PITPNM3: variants seen among roughly 807,000 people sequenced by gnomAD.
The protein encoded by PITPNM3 is PITPNM family member 3.
In PITPNM3, 26 loss-of-function variants were observed where a neutral mutation model predicts 102.0. The ratio of observed to expected loss-of-function variants is 0.25; its 90% confidence interval spans 0.19 to 0.35. The LOEUF is 0.35. Ranked by LOEUF, PITPNM3 falls within the 10% of genes least tolerant of loss-of-function variation. PITPNM3 has a pLI of 1.00. For missense variants in PITPNM3, 1,083 were observed against 1,346.1 expected, an observed-to-expected ratio of 0.80 and a Z score of 3.06; for synonymous variants, 578 against 558.6, an observed-to-expected ratio of 1.03 and a Z score of -0.49.
intron 6 of PITPNM3, chr17:6,479,657 C>T (rs910223503): frequency 6.6e-6 from 1 of 152,324 alleles, no homozygotes; most frequent in African/African-American, 2.4e-5. Flanking sequence ...CCCACTGGGA[C>T]TCGACAGAAT....
chr17:6,454,903 T>A lies in PITPNM3; in HGVS notation c.*435A>T, dbSNP rs924970871. The A allele has an allele frequency of 5.4e-5, 10 of 184,264 alleles. No individual in the cohort carries two copies. The highest frequency in any genetic ancestry group is 7.1e-5 in the African/African-American group (3 of 42,486). 11.4% of individuals were successfully genotyped at this position (184,264 alleles called of 1,614,324 possible). ...GGCGGGCACAAATGCCACTCACACC[T>A]CCACAAGACAGCCCAGAGGCTGTGC... On this transcript the variant is annotated 3_prime_UTR_variant, in exon 20 of 20. Transcript: ENST00000262483.
At chr17:6,467,414 A>T (rs1256725802) in intron 14 of PITPNM3, among the ~76,000 whole-genome samples, 1 of 152,242 alleles carries the variant, frequency 6.6e-6, no homozygotes, top group African/African-American at 2.4e-5. Flanking sequence ...AAAAGCTCTA[A>T]AACTGACCAT....
In PITPNM3 at chr17:6,474,481, T is replaced by A. The variant is rs777390006; in HGVS notation, c.1209A>T (p.Pro403=). 3 of 1,613,274 alleles carry A rather than the reference T, an allele frequency of 1.9e-6. No individual in the cohort carries two copies. In the African/African-American group the frequency reaches 4.0e-5, roughly 22 times the overall value. The change falls in exon 10 of 20, where the codon CCA becomes CCT. Residue 403 remains proline (P), a synonymous_variant. Transcript: ENST00000262483. ...DVSDFFLFGS[P]LGLVLAMRRT... The stretch of plus-strand genomic sequence containing the variant: ...TCCGCATGGCCAGGACCAGGCCCAG[T>A]GGCGAGCCGAAGAGGAAGAAGTCGG...
intron 1 of PITPNM3, among the ~76,000 whole-genome samples, chr17:6,542,020 G>A (rs757343651): frequency 6.6e-6 from 1 of 152,214 alleles, no homozygotes; most frequent in East Asian, 1.9e-4. Flanking sequence ...TCAGGAAGGC[G>A]TTTGCTCTGC....
intron 6 of PITPNM3, chr17:6,480,646 G>A (rs937336761): frequency 6.6e-6 from 1 of 152,332 alleles, no homozygotes; most frequent in African/African-American, 2.4e-5. Flanking sequence ...AGGCAGAACA[G>A]AGGTGCAGAG....
chr17:6,556,436 C>T lies in PITPNM3; in HGVS notation c.-30G>A. 8.0e-7 allele frequency: 1 copy of T among 1,250,920 alleles called. No homozygotes were observed. Among genetic ancestry groups the T allele is most frequent in the Non-Finnish European group, 1.0e-6 (1 of 997,042 alleles). The allele number at this position is 1,250,920 out of a possible 1,614,324, so 77.5% of individuals were successfully genotyped here. A position where few individuals can be genotyped will look rare whatever the true frequency, so the allele number is the denominator to read the frequency against. On this transcript the variant is annotated 5_prime_UTR_variant, in exon 1 of 20. Coordinates refer to ENST00000262483, the MANE Select transcript of PITPNM3 (RefSeq NM_031220.4). The surrounding 1 kb of genome is among the most constrained non-coding windows in gnomAD (Gnocchi z 5.2). ...CGGGCGGCGGGCTCCGGCGGCGCTA[C>T]GCGCGCTCCTCGCGCTTCCCGGGCC...
At chr17:6,484,439 C>T (rs1905947984) in intron 4 of PITPNM3, 147 bp from the exon 5 acceptor site, 1 of 778,602 alleles carries the variant, frequency 1.3e-6, no homozygotes, top group African/African-American at 1.7e-5. Flanking sequence ...GAGAGTCACC[C>T]CATCCAGGCC....
chr17:6,516,883 GA>G lies in PITPNM3; in HGVS notation c.226+8472del, dbSNP rs902343408. Among the ~76,000 whole-genome samples the G allele has an allele frequency of 6.0e-4, 89 of 149,474 alleles. 1 individual carries two copies. The East Asian group carries it at 0.015, about 26-fold the overall frequency. On this transcript the variant is annotated intron_variant, in intron 3 of 19. Transcript: ENST00000262483. ...TGTCTCTATTAAAAAAAGAAAGAAA[GA>G]AAAAAAAATTTAAAAACGTAAATCT...
chr17:6,502,782 A>G (rs1287843098), intron 4 of PITPNM3, among the ~76,000 whole-genome samples: 1 of 152,202 alleles, frequency 6.6e-6, no homozygotes, highest in African/African-American at 2.4e-5. Flanking sequence ...AACAGCAAAG[A>G]CATTTGGCCC....
intron 1 of PITPNM3, among the ~76,000 whole-genome samples, chr17:6,538,453 TCA>T (rs1567694098): frequency 6.6e-6 from 1 of 152,116 alleles, no homozygotes; most frequent in East Asian, 1.9e-4. Context: ...CATTTCTCAC[TCA>T]CATACAGGTT....
chr17:6,481,016 G>A (rs1302311990), intron 6 of PITPNM3: 1 of 152,296 alleles, frequency 6.6e-6, no homozygotes, highest in Non-Finnish European at 1.5e-5. Context: ...CCCTTCTGTG[G>A]ACACATCCTT....
chr17:6,525,931 A>T (rs1908809966), intron 2 of PITPNM3, among the ~76,000 whole-genome samples: 1 of 152,218 alleles, frequency 6.6e-6, no homozygotes, highest in African/African-American at 2.4e-5. Context: ...AGTGCAGAGG[A>T]GGTGCTCATA....
rs766885445 is a variant in PITPNM3 at position 6,477,065 on chromosome 17, C to T, written c.1049G>A (p.Cys350Tyr). The stretch of plus-strand genomic sequence containing the variant: ...GGCATGGTGCTGGGTGATGGCCTCG[C>T]AGTCATAGGTGGAGGAGTCGCTCTG... The part of the protein sequence containing the change: ...RKQSDSSTYD[C>Y]EAITQHHAFL... Residue 350 changes from cysteine (C) to tyrosine (Y), a missense_variant, in exon 9 of 20, where the codon TGC (cysteine) becomes TAC (tyrosine). This residue lies in a region of PITPNM3 where 172 missense variants were observed against 175.6 expected (regional missense o/e 0.98). Transcript: ENST00000262483. The T allele has an allele frequency of 1.2e-6, 2 of 1,614,188 alleles. No individual in the cohort carries two copies. Among genetic ancestry groups the T allele is most frequent in the South Asian group, 2.2e-5 (2 of 91,076 alleles).
At position 6,452,122 on chromosome 17, in the gene PITPNM3, G is replaced by A. The variant is rs1913875453; in HGVS notation, c.*3216C>T. ...CCGCCAGGAATCTCTGGAATACTGG[G>A]ATTCAAACACATTTGTTTGCTGTAG... On this transcript the variant is annotated 3_prime_UTR_variant, in exon 20 of 20. Transcript: ENST00000262483. 1 of 152,182 alleles carries A rather than the reference G, an allele frequency of 6.6e-6. No homozygotes were observed. Among genetic ancestry groups the A allele is most frequent in the South Asian group, 2.1e-4 (1 of 4,826 alleles). The allele number at this position is 152,182 out of a possible 1,614,324, so 9.4% of individuals were successfully genotyped here.
At chr17:6,503,006 C>T (rs1482868136) in intron 4 of PITPNM3, among the ~76,000 whole-genome samples, 2 of 152,176 alleles carry the variant, frequency 1.3e-5, no homozygotes, top group Non-Finnish European at 2.9e-5. Flanking sequence ...AGAGAGGTAG[C>T]CTCTTCGTGG....
At chr17:6,461,330 C>T (rs367696282) in intron 18 of PITPNM3, 43 bp downstream of exon 18, 79 of 1,592,388 alleles carry the variant, frequency 5.0e-5, no homozygotes, top group Admixed American at 3.3e-5. Flanking sequence ...AGGAGGGCTG[C>T]GCTCTCAAGC....
chr17:6,536,342 C>T (rs1909431019), intron 2 of PITPNM3, among the ~76,000 whole-genome samples: 2 of 152,332 alleles, frequency 1.3e-5, no homozygotes, highest in South Asian at 4.1e-4. Context: ...GCTGGGAACG[C>T]AGAGCCCTGA....
intron 2 of PITPNM3, among the ~76,000 whole-genome samples, chr17:6,525,693 G>C (rs1908792927): frequency 6.6e-6 from 1 of 152,156 alleles, no homozygotes; most frequent in Non-Finnish European, 1.5e-5. Context: ...AACAGCAAAA[G>C]AAAGTAACAA....
At chr17:6,460,535 A>C (rs1904389723) in intron 18 of PITPNM3, 1 of 152,352 alleles carries the variant, frequency 6.6e-6, no homozygotes, top group Non-Finnish European at 1.5e-5. Flanking sequence ...TTGCAAAAGC[A>C]ATCATAGACA....
Sources: allele counts gnomAD v4.1 joint callset (sites outside exome capture counted in the v4.1 genomes callset), GRCh38; gene constraint gnomAD v4.1.1; regional missense constraint gnomAD v4.1.1; non-coding constraint Gnocchi (gnomAD v3.1); transcripts MANE v1.5; gene names NCBI Gene and HGNC (gene_info 2026-07-23, HGNC 2026-07-21).